HMCN1: variants seen among roughly 807,000 people sequenced by gnomAD.
The protein encoded by HMCN1 is hemicentin 1.
In HMCN1, 321 loss-of-function variants were observed where a neutral mutation model predicts 625.9. The ratio of observed to expected loss-of-function variants is 0.51; its 90% CI spans 0.47 to 0.56. The LOEUF (loss-of-function observed/expected upper bound fraction) is 0.56. Ranked by LOEUF, HMCN1 falls within the 20% of genes least tolerant of loss-of-function variation. The pLI is 0.00. For synonymous variants in HMCN1, 2,425 were observed against 2,417.6 expected, an observed-to-expected ratio of 1.00 and a Z score of -0.09; for missense variants, 6,588 against 6,887.3, an observed-to-expected ratio of 0.96 and a Z score of 1.54.
intron 11 of HMCN1, 139 bp from the exon 12 acceptor site, chr1:185,962,379 C>A: frequency 1.4e-6 from 1 of 732,456 alleles, no homozygotes; most frequent in Non-Finnish European, 2.5e-6. Flanking sequence ...TCTTTCCTGC[C>A]ATATCTGTGA....
intron 1 of HMCN1, among the ~76,000 whole-genome samples, chr1:185,803,205 C>CAAAA: frequency 5.4e-4 from 32 of 58,772 alleles, no homozygotes; most frequent in East Asian, 2.6e-3. Flanking sequence ...AAAAAAAAAG[C>CAAAA]AAAAAAAAAA....
At chr1:185,922,343 C>A in intron 6 of HMCN1, 36 bp from the exon 7 acceptor site, 1 of 1,611,584 alleles carries the variant, frequency 6.2e-7, no homozygotes, top group South Asian at 1.1e-5. Context: ...CATACTGGAT[C>A]AACTGCTGAC....
chr1:185,975,704 T>G (rs559276520), intron 15 of HMCN1, among the ~76,000 whole-genome samples: 2 of 152,200 alleles, frequency 1.3e-5, no homozygotes, highest in African/African-American at 2.4e-5. Context: ...AATTTCCATA[T>G]AGATGGATTA....
chr1:185,901,578 T>C (rs1665810161), intron 4 of HMCN1, among the ~76,000 whole-genome samples: 1 of 151,778 alleles, frequency 6.6e-6, no homozygotes, highest in Non-Finnish European at 1.5e-5. Context: ...ATTTGTAACG[T>C]TCTTCGCATG....
chr1:185,972,408 T>C (rs543275015), intron 15 of HMCN1, among the ~76,000 whole-genome samples: 1 of 152,192 alleles, frequency 6.6e-6, no homozygotes, highest in Non-Finnish European at 1.5e-5. Flanking sequence ...GTGACTTACA[T>C]TGGATTAGGA....
At chr1:185,846,312 C>T (rs545310205) in intron 2 of HMCN1, among the ~76,000 whole-genome samples, 7 of 152,290 alleles carry the variant, frequency 4.6e-5, no homozygotes, top group South Asian at 2.1e-4. Flanking sequence ...CAGTTAGTTA[C>T]TACCTATGGC....
At chr1:185,898,196 A>G (rs1190539455) in intron 4 of HMCN1, among the ~76,000 whole-genome samples, 1 of 152,114 alleles carries the variant, frequency 6.6e-6, no homozygotes, top group Non-Finnish European at 1.5e-5. Flanking sequence ...CTGGGATGCT[A>G]AAAGTTAATT....
intron 2 of HMCN1, among the ~76,000 whole-genome samples, chr1:185,850,511 G>A (rs181504804): frequency 1.1e-3 from 169 of 152,208 alleles, no homozygotes; most frequent in South Asian, 3.1e-3. Context: ...TGTTCTGAAG[G>A]ATCTATAGGG....
Position 185,997,494 on chromosome 1 carries a change from C to A in HMCN1, c.3844C>A (p.Gln1282Lys), listed in dbSNP as rs757109501. 3 of 1,611,870 alleles carry A rather than the reference C, an allele frequency of 1.9e-6. No homozygotes were observed. Among genetic ancestry groups the A allele is most frequent in the Non-Finnish European group, 1.7e-6 (2 of 1,178,390 alleles). The change falls in exon 25 of 107, where the codon CAA becomes AAA. Residue 1282 changes from glutamine to lysine, a missense_variant. Transcript: ENST00000271588. The stretch of plus-strand genomic sequence containing the variant: ...TACTTTCCAAGAAAGAGTGGCCAAT[C>A]AACGCATTGAATTTCCATGTCCTGC... ...NTTFQERVAN[Q>K]RIEFPCPAKG...
intron 5 of HMCN1, 124 bp downstream of exon 5, chr1:185,909,632 G>T: frequency 1.2e-6 from 1 of 845,660 alleles, no homozygotes; most frequent in South Asian, 1.5e-5. Context: ...TTCAGAAGTG[G>T]CTAAGGAAGG....
At chr1:186,151,422 C>T in intron 94 of HMCN1, 73 bp downstream of exon 94, 1 of 1,426,186 alleles carries the variant, frequency 7.0e-7, no homozygotes, top group Non-Finnish European at 9.8e-7. Context: ...CATTAAAGTT[C>T]TAGAGAATGC....
intron 4 of HMCN1, among the ~76,000 whole-genome samples, chr1:185,886,068 C>T (rs1664626463): frequency 6.6e-6 from 1 of 152,052 alleles, no homozygotes; most frequent in South Asian, 2.1e-4. Context: ...AGATAAGCAT[C>T]ATTTACATAA....
rs1009085848 is a variant in HMCN1, at chr1:186,086,788, A to G, written c.9046+381A>G. Among the ~76,000 whole-genome samples, 33 of 135,718 alleles carry G rather than the reference A, an allele frequency of 2.4e-4. 1 individual carries two copies. The highest frequency in any genetic ancestry group is 8.6e-4 in the African/African-American group (32 of 37,234). 89.0% of individuals were successfully genotyped at this position (135,718 alleles called of 152,430 possible). A position where few individuals can be genotyped will look rare whatever the true frequency, so the allele number is the denominator to read the frequency against. ...TAGATAGATAGGTAGATAGATAGAT[A>G]GATAGATGATAGATAGATAGATAGA... On this transcript the variant is annotated intron_variant, in intron 58 of 106. Transcript: ENST00000271588.
At chr1:185,856,287 G>C (rs1224717283) in intron 2 of HMCN1, among the ~76,000 whole-genome samples, 1 of 152,070 alleles carries the variant, frequency 6.6e-6, no homozygotes, top group Non-Finnish European at 1.5e-5. Flanking sequence ...TCACGAGTTT[G>C]AGACCAGCCT....
intron 36 of HMCN1, among the ~76,000 whole-genome samples, chr1:186,036,900 G>A (rs187646057): frequency 1.3e-3 from 199 of 152,054 alleles, no homozygotes; most frequent in African/African-American, 4.6e-3. Flanking sequence ...ACCCATACAA[G>A]TATTAACGTG....
intron 6 of HMCN1, among the ~76,000 whole-genome samples, chr1:185,915,949 G>T (rs1471589079): frequency 2.0e-5 from 3 of 151,826 alleles, no homozygotes; most frequent in African/African-American, 4.8e-5. Flanking sequence ...CCAGTTTTTT[G>T]GCCTTCCAAT....
chr1:185,933,398 C>CATAGACATATGCATT lies in HMCN1; in HGVS notation c.1553-149_1553-135dup. ...TTTAAGTGGTAATTTTGAGGGGGCTCATAGACATATGCATTAATTGAGTAA... is the reference window on the plus strand; with the variant it reads ...TTTAAGTGGTAATTTTGAGGGGGCTCATAGACATATGCATTATAGACATATGCATTAATTGAGTAA... On this transcript the variant is annotated intron_variant, in intron 10 of 106. Coordinates refer to ENST00000271588, the MANE Select transcript of HMCN1 (RefSeq NM_031935.3). 4.1e-6 allele frequency: 3 copies of CATAGACATATGCATT among 739,842 alleles called. No individual in the cohort carries two copies. The South Asian group carries it at 4.8e-5, about 12-fold the overall frequency. 45.8% of individuals were successfully genotyped at this position (739,842 alleles called of 1,614,324 possible).
chr1:186,119,333 G>A (rs895743864), intron 78 of HMCN1, 35 bp downstream of exon 78: 1 of 1,509,474 alleles, frequency 6.6e-7, no homozygotes, highest in Non-Finnish European at 9.2e-7. Context: ...AAAGTTCGCT[G>A]GGTTTGGGGA....
At chr1:186,099,604 A>T (rs915136585) in intron 68 of HMCN1, among the ~76,000 whole-genome samples, 1 of 152,166 alleles carries the variant, frequency 6.6e-6, no homozygotes. Context: ...ATACTAAAGA[A>T]GTAATTACTT....
Sources: allele counts gnomAD v4.1 joint callset (sites outside exome capture counted in the v4.1 genomes callset), GRCh38; gene constraint gnomAD v4.1.1; transcripts MANE v1.5; gene names NCBI Gene and HGNC (gene_info 2026-07-23, HGNC 2026-07-21).